Variants in MYBPC1 observed in about 807,000 individuals in gnomAD.
The protein encoded by MYBPC1 is myosin binding protein C1, also known as myosin-binding protein C, slow-type.
In MYBPC1, 52 loss-of-function variants were observed where a neutral mutation model predicts 147.1. That is an observed-to-expected ratio of 0.35 (90% CI 0.28 to 0.45). The LOEUF (loss-of-function observed/expected upper bound fraction) is 0.45, where lower values mean the gene tolerates loss of function less well. Ranked by LOEUF, MYBPC1 falls within the 20% of genes least tolerant of loss-of-function variation. The probability of loss-of-function intolerance (pLI) is 1.00; values close to 1 mark genes in which losing one functional copy is unlikely to be tolerated. For missense variants in MYBPC1, 1,228 were observed against 1,440.3 expected, an observed-to-expected ratio of 0.85 and a Z score of 2.39; for synonymous variants, 477 against 475.9, an observed-to-expected ratio of 1.00 and a Z score of -0.03.
chr12:101,638,726 A>G (rs993432034), intron 10 of MYBPC1, among the ~76,000 whole-genome samples: 7 of 152,224 alleles, frequency 4.6e-5, no homozygotes, highest in African/African-American at 1.4e-4. Context: ...TAATTCCAGA[A>G]TAAAATAAAT....
At chr12:101,676,005 C>A (rs918290400) in intron 26 of MYBPC1, among the ~76,000 whole-genome samples, 1 of 152,248 alleles carries the variant, frequency 6.6e-6, no homozygotes, top group Non-Finnish European at 1.5e-5. Context: ...CCGTGGCCCA[C>A]AGGCCTCATG....
intron 10 of MYBPC1, chr12:101,637,025 G>A: frequency 8.0e-6 from 1 of 124,950 alleles, no homozygotes. Context: ...CAAATACCTA[G>A]AAACCTCTAA....
Position 101,673,634 on chromosome 12 carries a change from T to C in MYBPC1, c.2809+12T>C, listed in dbSNP as rs11110952. ...CATCCAGATCATTGGTAGGTTTAGA[T>C]GAAGGAGCCAGAAAGTTCTGTCAAA... On this transcript the variant is annotated intron_variant, in intron 25 of 31. Coordinates refer to ENST00000361466, the MANE Select transcript of MYBPC1 (RefSeq NM_002465.4). The C allele has an allele frequency of 0.026, 42,624 of 1,613,996 alleles. 2,496 individuals carry two copies. The highest frequency in any genetic ancestry group is 0.26 in the East Asian group (11,638 of 44,872).
At chr12:101,682,793 A>AAG in intron 30 of MYBPC1, 131 bp downstream of exon 30, 16 of 850,498 alleles carry the variant, frequency 1.9e-5, no homozygotes, top group Non-Finnish European at 2.9e-5. Flanking sequence ...CTCATGGCAT[A>AAG]CAGTGCTTAT....
Position 101,682,663 on chromosome 12 carries a change from GT to G in MYBPC1, c.3492+4del. Reference sequence around the variant, plus strand: ...AGTCTTCCTGGAGGGGCAGCAACAGGTTTAAAAAGTTTATATCCCACTGGAT... The same window carrying G: ...AGTCTTCCTGGAGGGGCAGCAACAGGTTAAAAAGTTTATATCCCACTGGAT... On this transcript the variant is annotated splice_donor_variant, in intron 30 of 31. Transcript: ENST00000361466. LOFTEE classifies it high-confidence loss of function. 1 of 1,609,738 alleles carries G rather than the reference GT, an allele frequency of 6.2e-7. No individual in the cohort carries two copies. The highest frequency in any genetic ancestry group is 8.5e-7 in the Non-Finnish European group (1 of 1,176,220).
Position 101,673,476 on chromosome 12 carries a change from A to G in MYBPC1, c.2663A>G (p.Asp888Gly). 1 of 1,613,800 alleles carries G rather than the reference A, an allele frequency of 6.2e-7. No homozygotes were observed. Among genetic ancestry groups the G allele is most frequent in the Non-Finnish European group, 8.5e-7 (1 of 1,179,994 alleles). The change falls in exon 25 of 32, where the codon GAT (aspartate) becomes GGT (glycine). Residue 888 changes from aspartate (D) to glycine (G), a missense_variant. By Grantham distance (94) the Asp-to-Gly change is moderately conservative. This residue lies in a region of MYBPC1 where 1,077 missense variants were observed against 1,314.2 expected (regional missense o/e 0.82). Transcript: ENST00000361466. The stretch of plus-strand genomic sequence containing the variant: ...TGGAAGAAGGATGGTGCAGAAATTG[A>G]TAAGAATCAAATAAACATTCGCAAC... ...LTWKKDGAEI[D>G]KNQINIRNSE...
chr12:101,674,862 C>CAAAAAAAAA (rs62824364), intron 25 of MYBPC1, among the ~76,000 whole-genome samples: 5 of 59,862 alleles, frequency 8.4e-5, no homozygotes, highest in African/African-American at 4.1e-4. Flanking sequence ...ACTCTGTCTC[C>CAAAAAAAAA]AAAAAAAAAA....
At chr12:101,677,140 A>T in intron 26 of MYBPC1, 95 bp from the exon 27 acceptor site, 1 of 1,258,018 alleles carries the variant, frequency 7.9e-7, no homozygotes, top group Admixed American at 2.1e-5. Context: ...TCTTTTTGTT[A>T]ATAAAGCATC....
At chr12:101,666,683 C>T (rs1473673662) in intron 22 of MYBPC1, 17 of 1,403,992 alleles carry the variant, frequency 1.2e-5, no homozygotes, top group East Asian at 4.6e-5. Flanking sequence ...ACTGCTGATA[C>T]GATATTATTC....
Position 101,644,774 on chromosome 12 carries a change from C to A in MYBPC1, c.943C>A (p.Gln315Lys). Residue 315 changes from glutamine to lysine, a missense_variant, in exon 12 of 32, where the codon CAA (glutamine) becomes AAA (lysine). Physicochemically the swap from Gln to Lys is moderately conservative, Grantham distance 53. Transcript: ENST00000361466. Reference sequence around the variant, plus strand: ...GGAGGTGAAATGGTATAAAAATGGTCAAGAAATTCGACCCAGTACCAAGTA... The same window carrying A: ...GGAGGTGAAATGGTATAAAAATGGTAAAGAAATTCGACCCAGTACCAAGTA... Reference protein sequence around the residue: ...KLEVKWYKNGQEIRPSTKYIF... With the variant: ...KLEVKWYKNGKEIRPSTKYIF... The A allele has an allele frequency of 3.1e-6, 5 of 1,613,872 alleles. No individual in the cohort carries two copies. The highest frequency in any genetic ancestry group is 1.1e-5 in the South Asian group (1 of 91,036).
chr12:101,676,952 A>C (rs983167844), intron 26 of MYBPC1, among the ~76,000 whole-genome samples: 1 of 152,324 alleles, frequency 6.6e-6, no homozygotes, highest in East Asian at 1.9e-4. Flanking sequence ...AAAGGTTATG[A>C]AAAAATATAA....
chr12:101,631,757 C>T (rs369808295), intron 7 of MYBPC1, 38 bp downstream of exon 7: 28 of 1,612,762 alleles, frequency 1.7e-5, no homozygotes, highest in African/African-American at 8.0e-5. Flanking sequence ...GCTCAGCTAG[C>T]GCATTCCTTC....
chr12:101,663,377 T>C, intron 21 of MYBPC1, 49 bp from the exon 22 acceptor site: 5 of 1,519,422 alleles, frequency 3.3e-6, no homozygotes, highest in African/African-American at 1.4e-5. Flanking sequence ...TCCTGCACTA[T>C]AGCTGTGTAG....
intron 26 of MYBPC1, among the ~76,000 whole-genome samples, chr12:101,676,020 C>A (rs1281186479): frequency 1.3e-5 from 2 of 152,214 alleles, no homozygotes; most frequent in Admixed American, 1.3e-4. Flanking sequence ...CTCATGCAAC[C>A]CAGGATGGCT....
chr12:101,685,713 C>G lies in MYBPC1; in HGVS notation c.*151C>G. On this transcript the variant is annotated 3_prime_UTR_variant, in exon 32 of 32. Transcript: ENST00000361466. ...GGCCTGGCTACTGTCTCTCTGCACT[C>G]TGCTGCTTTGAAATCTGGTTGAAAT... 1 of 1,421,104 alleles carries G rather than the reference C, an allele frequency of 7.0e-7. No individual in the cohort carries two copies. Among genetic ancestry groups the G allele is most frequent in the Non-Finnish European group, 9.5e-7 (1 of 1,048,278 alleles). 88.0% of individuals were successfully genotyped at this position (1,421,104 alleles called of 1,614,324 possible). A position where few individuals can be genotyped will look rare whatever the true frequency, so the allele number is the denominator to read the frequency against.
At chr12:101,653,288 A>T in intron 18 of MYBPC1, 40 bp downstream of exon 18, 1 of 1,609,750 alleles carries the variant, frequency 6.2e-7, no homozygotes, top group East Asian at 2.2e-5. Context: ...GCACACACAC[A>T]TATGCAGACA....
intron 31 of MYBPC1, among the ~76,000 whole-genome samples, chr12:101,685,220 T>C (rs1447236847): frequency 6.6e-6 from 1 of 152,196 alleles, no homozygotes; most frequent in Non-Finnish European, 1.5e-5. Flanking sequence ...CATAATGTGG[T>C]ATGCATTTAT....
chr12:101,687,797 TAC>T (rs201726013), downstream of MYBPC1, among the ~76,000 whole-genome samples: 1 of 151,738 alleles, frequency 6.6e-6, no homozygotes, highest in Non-Finnish European at 1.5e-5. Context: ...AGGCTGCTTA[TAC>T]GTGTATGGTT....
chr12:101,618,397 C>A (rs181341656), intron 3 of MYBPC1, among the ~76,000 whole-genome samples: 1 of 152,264 alleles, frequency 6.6e-6, no homozygotes, highest in East Asian at 1.9e-4. Flanking sequence ...TTATGGAATG[C>A]AGACAGTGCA....
Sources: gnomAD v4.1 joint callset for allele counts (sites outside exome capture counted in the v4.1 genomes callset) on GRCh38, gnomAD v4.1.1 for gene constraint, gnomAD v4.1.1 regional missense constraint, MANE v1.5 for transcripts, NCBI Gene and HGNC (gene_info 2026-07-23, HGNC 2026-07-21) for gene names.